The following GUCY2C variants were observed in gnomAD, a reference collection of about 807,000 sequenced individuals.
GUCY2C encodes guanylyl cyclase C.
In GUCY2C, 118 loss-of-function variants were observed where a neutral mutation model predicts 131.1. The ratio of observed to expected loss-of-function variants is 0.90; its 90% CI spans 0.78 to 1.05. The LOEUF is 1.05. GUCY2C is among the 50% of genes least tolerant of loss of function. GUCY2C has a pLI of 0.00. For missense variants in GUCY2C, 1,161 were observed against 1,304.4 expected, an observed-to-expected ratio of 0.89 and a Z score of 1.69; for synonymous variants, 452 against 457.8, an observed-to-expected ratio of 0.99 and a Z score of 0.16.
intron 11 of GUCY2C, 35 bp from the exon 12 acceptor site, chr12:14,656,652 A>G (rs1387911939): frequency 1.0e-6 from 1 of 999,230 alleles, no homozygotes; most frequent in Non-Finnish European, 1.6e-6. Flanking sequence ...ATAGGTTTTT[A>G]TTAATATCCA....
chr12:14,690,899 T>C (rs1948563856), intron 1 of GUCY2C, among the ~76,000 whole-genome samples: 2 of 152,216 alleles, frequency 1.3e-5, no homozygotes, highest in Admixed American at 1.3e-4. Flanking sequence ...CAGTCCACAG[T>C]CCGGCATTAT....
intron 8 of GUCY2C, among the ~76,000 whole-genome samples, chr12:14,673,922 A>G (rs1391343440): frequency 6.6e-6 from 1 of 152,214 alleles, no homozygotes; most frequent in African/African-American, 2.4e-5. Flanking sequence ...TGCAGCCCTC[A>G]GTCCTAATGC....
intron 19 of GUCY2C, among the ~76,000 whole-genome samples, chr12:14,629,180 C>G (rs1947091501): frequency 6.6e-6 from 1 of 152,036 alleles, no homozygotes. Flanking sequence ...TTTGCCTAGG[C>G]CTTTCCTGGG....
chr12:14,676,316 C>T (rs150565565), intron 7 of GUCY2C, among the ~76,000 whole-genome samples: 2,419 of 152,234 alleles, frequency 0.016, 30 homozygotes, highest in Non-Finnish European at 0.025. Context: ...AACCAGATGG[C>T]ATAATGGAAT....
chr12:14,631,600 T>C (rs1194120891), intron 19 of GUCY2C, among the ~76,000 whole-genome samples: 1 of 151,286 alleles, frequency 6.6e-6, no homozygotes, highest in Non-Finnish European at 1.5e-5. Context: ...ATGGTGTATA[T>C]GTGCCACATT....
In GUCY2C at chr12:14,683,204, GA is replaced by G. The variant is rs1565634500; in HGVS notation, c.448del (p.Ser150HisfsTer8). 1.2e-6 allele frequency: 2 copies of G among 1,613,618 alleles called. No individual in the cohort carries two copies. Among genetic ancestry groups the G allele is most frequent in the East Asian group, 4.5e-5 (2 of 44,854 alleles). ...GGTTAAGGTTTCTTTATAGTCACAT[GA>G]CAATCCAAAACTTCCAGCTGAGATC... ...PMISAGSFGL[S>X]CDYKETLTRL... On this transcript the variant is annotated frameshift_variant, in exon 4 of 27. Coordinates refer to ENST00000261170, the MANE Select transcript of GUCY2C (RefSeq NM_004963.4). LOFTEE classifies it high-confidence loss of function.
intron 4 of GUCY2C, among the ~76,000 whole-genome samples, chr12:14,682,601 T>C (rs1948370764): frequency 1.3e-5 from 2 of 152,318 alleles, no homozygotes; most frequent in African/African-American, 4.8e-5. Flanking sequence ...CCCCTACCTC[T>C]TGTTTCTCTG....
At chr12:14,664,890 G>A (rs761196605) in intron 10 of GUCY2C, among the ~76,000 whole-genome samples, 1 of 151,962 alleles carries the variant, frequency 6.6e-6, no homozygotes, top group African/African-American at 2.4e-5. Context: ...TCATTCCAAG[G>A]CACTGTGTTG....
intron 7 of GUCY2C, among the ~76,000 whole-genome samples, chr12:14,675,870 C>T (rs1168192618): frequency 6.6e-6 from 1 of 152,200 alleles, no homozygotes; most frequent in African/African-American, 2.4e-5. Context: ...AAAAATAAAA[C>T]TTTCATTGGT....
chr12:14,626,404 G>T (rs1378687057), intron 20 of GUCY2C, among the ~76,000 whole-genome samples: 2 of 152,124 alleles, frequency 1.3e-5, no homozygotes, highest in African/African-American at 4.8e-5. Context: ...TAAAATGATG[G>T]TAATCAACGT....
chr12:14,616,816 C>T (rs1946773374), intron 24 of GUCY2C, 89 bp from the exon 25 acceptor site: 3 of 768,350 alleles, frequency 3.9e-6, no homozygotes, highest in Non-Finnish European at 4.8e-6. Flanking sequence ...ACACCTGAGA[C>T]AAGAATCCTA....
At position 14,696,416 on chromosome 12, in the gene GUCY2C, C is replaced by A. The variant is rs1368387613; in HGVS notation, c.33G>T (p.Trp11Cys). Residue 11 changes from tryptophan to cysteine, a missense_variant, in exon 1 of 27, where the codon TGG becomes TGT. Trp to Cys is a radical substitution (Grantham distance 215, BLOSUM62 -2). Coordinates refer to ENST00000261170, the MANE Select transcript of GUCY2C (RefSeq NM_004963.4). MKTLLLDLAL[W>C]SLLFQPGWLS... ...GCCACCCGGGCTGGAAGAGCAGTGA[C>A]CACAAAGCCAAGTCCAACAGCAACG... The A allele has an allele frequency of 6.2e-7, 1 of 1,613,990 alleles. No homozygotes were observed. The highest frequency in any genetic ancestry group is 1.7e-5 in the Admixed American group (1 of 60,018).
chr12:14,689,995 A>G (rs1187607634), intron 1 of GUCY2C, among the ~76,000 whole-genome samples: 1 of 152,218 alleles, frequency 6.6e-6, no homozygotes, highest in Non-Finnish European at 1.5e-5. Context: ...TTTCTTTCTT[A>G]GTAGACAGGG....
At chr12:14,686,298 G>T (rs1948468626) in intron 2 of GUCY2C, 73 bp from the exon 3 acceptor site, 1 of 1,083,322 alleles carries the variant, frequency 9.2e-7, no homozygotes, top group Non-Finnish European at 1.4e-6. Flanking sequence ...GAAGTAGCAA[G>T]GGGAAGGCTC....
In GUCY2C at chr12:14,619,307, G is replaced by A. The variant is rs1946845502; in HGVS notation, c.2779C>T (p.Pro927Ser). The A allele has an allele frequency of 1.3e-6, 2 of 1,599,598 alleles. No homozygotes were observed. The change falls in exon 24 of 27, where the codon CCC (proline) becomes TCC (serine). Residue 927 changes from proline (P) to serine (S), a missense_variant and splice_region_variant. By Grantham distance (74) the Pro-to-Ser change is moderately conservative. Coordinates refer to ENST00000261170, the MANE Select transcript of GUCY2C (RefSeq NM_004963.4). ...ATTCCCACAACTCCAGCAGCACAGGGACCTGAAATGAAGGACAGAAAGCAG... is the reference window on the plus strand; with the variant it reads ...ATTCCCACAACTCCAGCAGCACAGGAACCTGAAATGAAGGACAGAAAGCAG... The part of the protein sequence containing the change: ...IWIRIGVHSG[P>S]CAAGVVGIKM...
intron 12 of GUCY2C, among the ~76,000 whole-genome samples, chr12:14,655,510 G>A (rs1435581996): frequency 6.6e-6 from 1 of 152,170 alleles, no homozygotes; most frequent in East Asian, 1.9e-4. Context: ...ACTTGGGGAG[G>A]AGGGTCAAGA....
Position 14,647,713 on chromosome 12 carries a change from T to C in GUCY2C, c.1711-2398A>G, listed in dbSNP as rs554066683. On this transcript the variant is annotated intron_variant, in intron 15 of 26. Coordinates refer to ENST00000261170, the MANE Select transcript of GUCY2C (RefSeq NM_004963.4). Reference sequence around the variant, plus strand: ...AAAACTTTCAGTGTTCTTAACTGATTCTTTGCATTTCACGTTGAGTATTTT... The same window carrying C: ...AAAACTTTCAGTGTTCTTAACTGATCCTTTGCATTTCACGTTGAGTATTTT... Among the ~76,000 whole-genome samples the C allele has an allele frequency of 5.9e-5, 9 of 152,312 alleles. No individual in the cohort carries two copies. In the South Asian group the frequency reaches 1.9e-3, roughly 32 times the overall value.
At chr12:14,628,152 A>G (rs1947061944) in intron 20 of GUCY2C, among the ~76,000 whole-genome samples, 1 of 152,030 alleles carries the variant, frequency 6.6e-6, no homozygotes, top group South Asian at 2.1e-4. Context: ...TGGGGTATCT[A>G]GAAATTAATC....
In GUCY2C at chr12:14,653,149, A is replaced by G. The variant is rs7306686; in HGVS notation, c.1471-135T>C. 13,302 of 754,496 alleles carry G rather than the reference A, an allele frequency of 0.018. 877 individuals are homozygous for G. Among genetic ancestry groups the G allele is most frequent in the African/African-American group, 0.17 (9,645 of 58,184 alleles). The allele number at this position is 754,496 out of a possible 1,614,324, so 46.7% of individuals were successfully genotyped here. ...ACATGCTGGGCAAGCAGGCTTCCAG[A>G]AAAACTGTTGTAATTGACTTGCTCC... On this transcript the variant is annotated intron_variant, in intron 12 of 26. Transcript: ENST00000261170.
Sources: allele counts gnomAD v4.1 joint callset (sites outside exome capture counted in the v4.1 genomes callset), GRCh38; gene constraint gnomAD v4.1.1; transcripts MANE v1.5; gene names NCBI Gene and HGNC (gene_info 2026-07-23, HGNC 2026-07-21).